Variants in IGF1 observed in about 807,000 individuals in gnomAD.
IGF1 encodes the protein insulin like growth factor 1, also known as insulin-like growth factor 1.
IGF1 carries 4 observed loss-of-function variants against 13.8 expected under a neutral mutation model. That is an observed-to-expected ratio of 0.29 (90% confidence interval 0.14 to 0.66). IGF1 has a LOEUF of 0.66. IGF1 is among the 30% of genes least tolerant of loss of function. The pLI, the probability that IGF1 is intolerant of heterozygous loss-of-function variation, is 0.78. For missense variants in IGF1, 124 were observed against 188.5 expected, an observed-to-expected ratio of 0.66 and a Z score of 2.00; for synonymous variants, 76 against 72.6, an observed-to-expected ratio of 1.05 and a Z score of -0.23.
chr12:102,462,900 T>A (rs960027578), intron 2 of IGF1: 2 of 152,174 alleles, frequency 1.3e-5, no homozygotes, highest in Non-Finnish European at 2.9e-5. Context: ...AAACTCACAG[T>A]GAAATGGTTG....
intron 2 of IGF1, chr12:102,463,383 G>A (rs1880074232): frequency 6.6e-6 from 1 of 152,228 alleles, no homozygotes; most frequent in Non-Finnish European, 1.5e-5. Flanking sequence ...AGTTAGGAAT[G>A]TGTGAAGACA....
intron 2 of IGF1, among the ~76,000 whole-genome samples, chr12:102,425,773 G>A (rs1876147699): frequency 6.6e-6 from 1 of 152,222 alleles, no homozygotes; most frequent in Non-Finnish European, 1.5e-5. Flanking sequence ...AGAGTGGGAA[G>A]CAACATGATG....
chr12:102,425,680 G>T (rs1057219805), intron 2 of IGF1, among the ~76,000 whole-genome samples: 1 of 152,214 alleles, frequency 6.6e-6, no homozygotes, highest in South Asian at 2.1e-4. Flanking sequence ...GGAAGCTAAA[G>T]TGCAAGTCCT....
At chr12:102,438,909 A>T (rs1877468501) in intron 2 of IGF1, among the ~76,000 whole-genome samples, 1 of 152,060 alleles carries the variant, frequency 6.6e-6, no homozygotes. Context: ...TCATCCTATT[A>T]TTTCTTTCAA....
intron 3 of IGF1, chr12:102,418,118 A>C: frequency 9.2e-7 from 1 of 1,084,906 alleles, no homozygotes; most frequent in Non-Finnish European, 1.3e-6. Flanking sequence ...CTCATGCTGG[A>C]GAGGGGTCTA....
chr12:102,477,120 C>T (rs1881098973), intron 1 of IGF1, among the ~76,000 whole-genome samples: 1 of 151,934 alleles, frequency 6.6e-6, no homozygotes, highest in South Asian at 2.1e-4. Context: ...TCAACCCCAT[C>T]ACTTTTGGAG....
intron 2 of IGF1, among the ~76,000 whole-genome samples, chr12:102,455,055 A>C (rs1592808456): frequency 6.6e-6 from 1 of 152,182 alleles, no homozygotes; most frequent in African/African-American, 2.4e-5. Context: ...GGCCCCAGCC[A>C]CCCACCGTGC....
intron 2 of IGF1, among the ~76,000 whole-genome samples, chr12:102,426,101 A>T (rs1433692552): frequency 6.6e-6 from 1 of 152,236 alleles, no homozygotes; most frequent in Non-Finnish European, 1.5e-5. Context: ...ATATTACAGA[A>T]TTTGAGTATG....
At chr12:102,456,853 A>C (rs1399925075) in intron 2 of IGF1, among the ~76,000 whole-genome samples, 1 of 152,148 alleles carries the variant, frequency 6.6e-6, no homozygotes, top group Non-Finnish European at 1.5e-5. Flanking sequence ...TGGCTAACCC[A>C]CTTTCAACTT....
chr12:102,405,394 T>G (rs1874073381), intron 3 of IGF1, among the ~76,000 whole-genome samples: 1 of 152,050 alleles, frequency 6.6e-6, no homozygotes, highest in Non-Finnish European at 1.5e-5. Context: ...GGCCGTGTTC[T>G]GCTTTCTTAT....
At chr12:102,437,130 C>A (rs1877317279) in intron 2 of IGF1, among the ~76,000 whole-genome samples, 2 of 152,208 alleles carry the variant, frequency 1.3e-5, no homozygotes, top group South Asian at 4.1e-4. Flanking sequence ...CTGGAAAAGA[C>A]AGAGGAAAAA....
At chr12:102,406,953 G>A (rs1199579472) in intron 3 of IGF1, among the ~76,000 whole-genome samples, 1 of 151,910 alleles carries the variant, frequency 6.6e-6, no homozygotes, top group African/African-American at 2.4e-5. Context: ...AATTAGCCTG[G>A]TGTGGTGGCG....
chr12:102,473,352 C>T (rs138707285), intron 2 of IGF1, among the ~76,000 whole-genome samples: 130 of 152,318 alleles, frequency 8.5e-4, no homozygotes, highest in African/African-American at 3.0e-3. Context: ...GCATCTCATT[C>T]ATATCTCATT....
chr12:102,474,270 T>C (rs1880874446), intron 2 of IGF1, among the ~76,000 whole-genome samples: 1 of 152,198 alleles, frequency 6.6e-6, no homozygotes. Flanking sequence ...AACAGAGAAC[T>C]GGATAGAATT....
intron 2 of IGF1, among the ~76,000 whole-genome samples, chr12:102,435,402 G>T (rs59102174): frequency 6.6e-6 from 1 of 152,114 alleles, no homozygotes; most frequent in Non-Finnish European, 1.5e-5. Flanking sequence ...CACAGGATAC[G>T]CAGGTTACAC....
intron 2 of IGF1, among the ~76,000 whole-genome samples, chr12:102,443,733 A>G (rs1330672678): frequency 1.3e-5 from 2 of 152,094 alleles, no homozygotes; most frequent in Non-Finnish European, 2.9e-5. Flanking sequence ...TCTGGAAAGG[A>G]AGGTAACAGA....
chr12:102,478,466 C>A (rs778338688), intron 1 of IGF1: 7 of 1,565,806 alleles, frequency 4.5e-6, no homozygotes, highest in Non-Finnish European at 8.7e-7. Context: ...TTGAGGGCAA[C>A]AGTCATAAGA....
chr12:102,457,708 G>T (rs544275184), intron 2 of IGF1, among the ~76,000 whole-genome samples: 1 of 152,234 alleles, frequency 6.6e-6, no homozygotes, highest in East Asian at 1.9e-4. Context: ...TTTGAGATCT[G>T]CCATATCCAG....
intron 3 of IGF1, among the ~76,000 whole-genome samples, chr12:102,407,290 C>T (rs569939414): frequency 5.3e-4 from 80 of 152,166 alleles, no homozygotes; most frequent in African/African-American, 1.8e-3. Flanking sequence ...AGCTGAAGCT[C>T]GCTAACATTT....
Sources: gnomAD v4.1 joint callset for allele counts (sites outside exome capture counted in the v4.1 genomes callset) on GRCh38, gnomAD v4.1.1 for gene constraint, MANE v1.5 for transcripts, NCBI Gene and HGNC (gene_info 2026-07-23, HGNC 2026-07-21) for gene names.